The following CELF6 variants were observed in gnomAD, a reference collection of about 807,000 sequenced individuals.
The protein encoded by CELF6 is CUGBP Elav-like family member 6, also known as Bruno -like 6, RNA binding protein.
CELF6 carries 32 observed loss-of-function variants against 53.1 expected under a neutral mutation model. The observed-to-expected ratio is 0.60, with a 90% CI of 0.46 to 0.81. The LOEUF is 0.81. Among genes scored for constraint, CELF6 ranks in the 30% least tolerant of loss-of-function variants. CELF6 has a pLI of 0.00. For synonymous variants in CELF6, 291 were observed against 288.8 expected (o/e 1.01, Z -0.08); for missense variants, 539 against 669.5 (o/e 0.81, Z 2.15).
At chr15:72,290,078 C>G in intron 4 of CELF6, 49 bp downstream of exon 4, 11 of 1,613,268 alleles carry the variant, frequency 6.8e-6, no homozygotes, top group Non-Finnish European at 9.3e-6. Flanking sequence ...GTTATGTGGC[C>G]CAGAGTGAGG....
rs1398081254 is a variant in CELF6 at position 72,313,716 on chromosome 15, A to C, written c.345+2129T>G. On this transcript the variant is annotated intron_variant, in intron 2 of 12. Transcript: ENST00000287202. The stretch of plus-strand genomic sequence containing the variant: ...CATGCTGTTTCCCACATGGAATGTT[A>C]CAGCTTGTCTCATTGACTCTCAGTT... 4.1e-6 allele frequency: 4 copies of C among 967,672 alleles called. No homozygotes were observed. The African/African-American group carries it at 7.0e-5, about 17-fold the overall frequency. The allele number at this position is 967,672 out of a possible 1,614,324, so 59.9% of individuals were successfully genotyped here. A position where few individuals can be genotyped will look rare whatever the true frequency, so the allele number is the denominator to read the frequency against.
intron 2 of CELF6, among the ~76,000 whole-genome samples, chr15:72,307,057 A>C (rs949954440): frequency 4.7e-5 from 7 of 150,370 alleles, no homozygotes; most frequent in Admixed American, 4.6e-4. Context: ...AAAGAGTAGA[A>C]GCCTGGGGTG....
chr15:72,290,329 G>A (rs1030034329), intron 3 of CELF6, 74 bp from the exon 4 acceptor site: 16 of 1,519,334 alleles, frequency 1.1e-5, no homozygotes, highest in Admixed American at 2.1e-5. Flanking sequence ...GAGGAACTTA[G>A]GAAGGCAGCT....
chr15:72,319,748 G>A lies in CELF6; in HGVS notation c.127C>T (p.His43Tyr). The A allele has an allele frequency of 1.2e-6, 2 of 1,600,416 alleles. No individual in the cohort carries two copies. The highest frequency in any genetic ancestry group is 1.7e-6 in the Non-Finnish European group (2 of 1,173,290). ...CCCACGAAGAGCTTGATGGCGTCGTGGTCCTTCATGGGTACGGCGGGACCG... is the reference window on the plus strand; with the variant it reads ...CCCACGAAGAGCTTGATGGCGTCGTAGTCCTTCATGGGTACGGCGGGACCG... ...NPGPAVPMKD[H>Y]DAIKLFVGQI... The change falls in exon 1 of 13, where the codon CAC becomes TAC. Residue 43 changes from histidine (H) to tyrosine (Y), a missense_variant. Transcript: ENST00000287202. The surrounding 1 kb of genome is among the most constrained non-coding windows in gnomAD (Gnocchi z 5.0).
At chr15:72,291,221 G>A (rs2088002765) in intron 3 of CELF6, among the ~76,000 whole-genome samples, 2 of 152,294 alleles carry the variant, frequency 1.3e-5, no homozygotes, top group South Asian at 2.1e-4. Flanking sequence ...TGTGTCCCTC[G>A]AAGAAAGCTG....
At chr15:72,306,446 A>G in intron 2 of CELF6, 1 of 227,100 alleles carries the variant, frequency 4.4e-6, no homozygotes, top group Non-Finnish European at 7.3e-6. Context: ...GCTTCCTGTT[A>G]CCATAGCCAC....
chr15:72,300,547 A>G (rs1372371924), intron 3 of CELF6, among the ~76,000 whole-genome samples: 2 of 152,162 alleles, frequency 1.3e-5, no homozygotes, highest in Non-Finnish European at 2.9e-5. Context: ...TTTGTAAAAA[A>G]GCTAGGTTGG....
chr15:72,304,760 C>T lies in CELF6; in HGVS notation c.380G>A (p.Ser127Asn), dbSNP rs1210510374. 1 of 1,614,094 alleles carries T rather than the reference C, an allele frequency of 6.2e-7. No homozygotes were observed. The highest frequency in any genetic ancestry group is 8.5e-7 in the Non-Finnish European group (1 of 1,180,052). The change falls in exon 3 of 13, where the codon AGT becomes AAT. Residue 127 changes from serine to asparagine, a missense_variant. Physicochemically the swap from Ser to Asn is conservative, Grantham distance 46. Transcript: ENST00000287202. ...AGGGAAGTTACCTCCTCGGCCCTCA[C>T]TGGCAGCTGGCTTCACTTGGATCGG... ...NRPIQVKPAA[S>N]EGRGEDRKLF...
At chr15:72,294,848 T>C (rs1277511247) in intron 3 of CELF6, among the ~76,000 whole-genome samples, 1 of 151,442 alleles carries the variant, frequency 6.6e-6, no homozygotes, top group Non-Finnish European at 1.5e-5. Flanking sequence ...CATGGTGGCA[T>C]GTGTCTGTAG....
At chr15:72,287,440 G>T in intron 11 of CELF6, 48 bp from the exon 12 acceptor site, 1 of 1,607,754 alleles carries the variant, frequency 6.2e-7, no homozygotes, top group Non-Finnish European at 8.5e-7. Flanking sequence ...GCCTAGCAGG[G>T]CCTCCTTTCT....
chr15:72,290,203 G>C lies in CELF6; in HGVS notation c.447C>G (p.Asp149Glu). The stretch of plus-strand genomic sequence containing the variant: ...CAAAGGGCTGGAACAGGCGTCTGAC[G>C]TCCTCCTCACCCTGCTGCTTGCCCA... Reference protein sequence around the residue: ...GMLGKQQGEEDVRRLFQPFGH... With the variant: ...GMLGKQQGEEEVRRLFQPFGH... Residue 149 changes from aspartate (D) to glutamate (E), a missense_variant, in exon 4 of 13, where the codon GAC (aspartate) becomes GAG (glutamate). Transcript: ENST00000287202. The C allele has an allele frequency of 3.1e-6, 5 of 1,613,862 alleles. No individual in the cohort carries two copies. Among genetic ancestry groups the C allele is most frequent in the South Asian group, 1.1e-5 (1 of 91,016 alleles).
chr15:72,306,291 CG>C (rs1595783127), intron 2 of CELF6: 2 of 985,244 alleles, frequency 2.0e-6, no homozygotes, highest in East Asian at 1.1e-4. Flanking sequence ...GCGGCCTTCC[CG>C]TTCATGGAGG....
In CELF6 at chr15:72,289,941, C is replaced by T. The variant is rs1156879907; in HGVS notation, c.601G>A (p.Ala201Thr). ...CAGCCCAGGGAACCCGCCCTCACCG[C>T]CATGGTCCGGCTGCCGTGCAGACCC... ...IRGLHGSRTM[A>T]GASSSLVVKL... The change falls in exon 5 of 13, where the codon GCG becomes ACG. Residue 201 changes from alanine (A) to threonine (T), a missense_variant and splice_region_variant. By Grantham distance (58) the Ala-to-Thr change is moderately conservative. Transcript: ENST00000287202. This position sits in a 1 kb window ranked among gnomAD's most constrained non-coding sequence, Gnocchi z 7.6. 6.4e-7 allele frequency: 1 copy of T among 1,565,164 alleles called. No individual in the cohort carries two copies. The highest frequency in any genetic ancestry group is 8.6e-7 in the Non-Finnish European group (1 of 1,156,478).
chr15:72,292,080 G>C, intron 3 of CELF6: 1 of 648,308 alleles, frequency 1.5e-6, no homozygotes, highest in East Asian at 2.8e-5. Context: ...CAAAATGTAA[G>C]AGAAAAATAG....
chr15:72,315,258 C>T (rs73440555), intron 2 of CELF6, among the ~76,000 whole-genome samples: 5,159 of 152,284 alleles, frequency 0.034, 263 homozygotes, highest in African/African-American at 0.1. Flanking sequence ...TAGGTCCCAC[C>T]TTGCCTTTTG....
At chr15:72,292,803 T>C (rs548487146) in intron 3 of CELF6, among the ~76,000 whole-genome samples, 2 of 152,318 alleles carry the variant, frequency 1.3e-5, no homozygotes, top group Admixed American at 1.3e-4. Flanking sequence ...CAAGGTGGGC[T>C]GATCACTTGA....
intron 3 of CELF6, among the ~76,000 whole-genome samples, chr15:72,304,519 G>T (rs1424847028): frequency 1.3e-5 from 2 of 152,150 alleles, no homozygotes; most frequent in Non-Finnish European, 2.9e-5. Flanking sequence ...ACTGGCATCT[G>T]TTTAGGCCCT....
chr15:72,319,960 G>T lies in CELF6; in HGVS notation c.-86C>A. The T allele has an allele frequency of 7.3e-7, 1 of 1,368,134 alleles. No individual in the cohort carries two copies. The highest frequency in any genetic ancestry group is 9.4e-7 in the Non-Finnish European group (1 of 1,065,088). 84.7% of individuals were successfully genotyped at this position (1,368,134 alleles called of 1,614,324 possible). A position where few individuals can be genotyped will look rare whatever the true frequency, so the allele number is the denominator to read the frequency against. On this transcript the variant is annotated 5_prime_UTR_variant, in exon 1 of 13. Transcript: ENST00000287202. This position sits in a 1 kb window ranked among gnomAD's most constrained non-coding sequence, Gnocchi z 5.0. ...CCCTGGACCGGTGGCGAGGGCCAGG[G>T]GGAGGGGGCGGAGCCCGGGCGGAGA...
Position 72,287,239 on chromosome 15 carries a change from T to G in CELF6, c.*26A>C. On this transcript the variant is annotated splice_region_variant and 3_prime_UTR_variant, in exon 12 of 13. Coordinates refer to ENST00000287202, the MANE Select transcript of CELF6 (RefSeq NM_052840.5). ...CCTGGGGTCCATCAGGGACTCACCTTTCTGTGGCTGGTCAGTGAAAGCAGG... is the reference window on the plus strand; with the variant it reads ...CCTGGGGTCCATCAGGGACTCACCTGTCTGTGGCTGGTCAGTGAAAGCAGG... The G allele has an allele frequency of 3.7e-6, 6 of 1,611,832 alleles. No individual in the cohort carries two copies. Among genetic ancestry groups the G allele is most frequent in the Non-Finnish European group, 5.1e-6 (6 of 1,178,870 alleles).
Sources: allele counts gnomAD v4.1 joint callset (sites outside exome capture counted in the v4.1 genomes callset), GRCh38; gene constraint gnomAD v4.1.1; non-coding constraint Gnocchi (gnomAD v3.1); transcripts MANE v1.5; gene names NCBI Gene and HGNC (gene_info 2026-07-23, HGNC 2026-07-21).